The following VCPIP1 variants were observed in gnomAD, a reference collection of about 807,000 sequenced individuals.
VCPIP1 encodes the protein deubiquitinating protein VCPIP1.
In VCPIP1, 8 loss-of-function variants were observed where a neutral mutation model predicts 85.0. The observed-to-expected ratio is 0.09, with a 90% CI of 0.06 to 0.17. The LOEUF is 0.17. Ranked by LOEUF, VCPIP1 falls within the 10% of genes least tolerant of loss-of-function variation. VCPIP1 has a pLI of 1.00. For missense variants in VCPIP1, 1,070 were observed against 1,486.3 expected, an observed-to-expected ratio of 0.72 and a Z score of 4.61; for synonymous variants, 543 against 544.5, an observed-to-expected ratio of 1.00 and a Z score of 0.04.
At chr8:66,652,568 G>A (rs547463885) in intron 1 of VCPIP1, among the ~76,000 whole-genome samples, 33 of 151,624 alleles carry the variant, frequency 2.2e-4, no homozygotes, top group East Asian at 7.7e-4. Context: ...AGCTGAGATC[G>A]TGCCATTGCA....
intron 1 of VCPIP1, among the ~76,000 whole-genome samples, chr8:66,657,058 A>G (rs1341775451): frequency 6.6e-6 from 1 of 151,572 alleles, no homozygotes; most frequent in Non-Finnish European, 1.5e-5. Context: ...GGTGTGCGCC[A>G]CCACTCCCGG....
chr8:66,645,791 C>T (rs1049960620), intron 2 of VCPIP1, among the ~76,000 whole-genome samples: 3 of 147,442 alleles, frequency 2.0e-5, no homozygotes, highest in Non-Finnish European at 3.0e-5. Flanking sequence ...ATTAGCAGGG[C>T]GTGGTGGTGC....
Position 66,667,000 on chromosome 8 carries a change from C to T in VCPIP1, c.-42G>A, listed in dbSNP as rs1811224572. On this transcript the variant is annotated 5_prime_UTR_variant, in exon 1 of 3. Transcript: ENST00000310421. This position sits in a 1 kb window ranked among gnomAD's most constrained non-coding sequence, Gnocchi z 6.3. ...GTCTCGCTCCGCGTCCCAGGCGACC[C>T]TCAAAAGCTCATAGCCCAGACCCCC... The T allele has an allele frequency of 6.8e-7, 1 of 1,475,518 alleles. No individual in the cohort carries two copies. The highest frequency in any genetic ancestry group is 2.4e-5 in the East Asian group (1 of 41,326). 91.4% of individuals were successfully genotyped at this position (1,475,518 alleles called of 1,614,324 possible). A position where few individuals can be genotyped will look rare whatever the true frequency, so the allele number is the denominator to read the frequency against.
At chr8:66,649,412 T>C (rs1388385829) in intron 2 of VCPIP1, among the ~76,000 whole-genome samples, 1 of 151,982 alleles carries the variant, frequency 6.6e-6, no homozygotes, top group Non-Finnish European at 1.5e-5. Flanking sequence ...CTTGGGAGGC[T>C]GAGCTGGGAG....
intron 2 of VCPIP1, among the ~76,000 whole-genome samples, chr8:66,651,203 A>G (rs1811050718): frequency 6.6e-6 from 1 of 151,442 alleles, no homozygotes. Context: ...AAAAAAAAAA[A>G]AGAATCATAC....
At chr8:66,635,913 C>CA (rs1187108604) in intron 2 of VCPIP1, among the ~76,000 whole-genome samples, 5,659 of 75,596 alleles carry the variant, frequency 0.075, 199 homozygotes, top group African/African-American at 0.12. Flanking sequence ...AACTCTATCT[C>CA]AAAAAAAAAA....
intron 2 of VCPIP1, among the ~76,000 whole-genome samples, chr8:66,649,610 T>C (rs1044892341): frequency 2.0e-5 from 3 of 152,150 alleles, no homozygotes; most frequent in African/African-American, 7.2e-5. Flanking sequence ...GGTCACACTA[T>C]AGGATTCCAT....
chr8:66,664,893 G>T lies in VCPIP1; in HGVS notation c.2066C>A (p.Pro689Gln). The part of the protein sequence containing the change: ...VQGQESESQL[P>Q]TKIILTGQKT... ...CTGTCCAGTAAGAATAATTTTAGTT[G>T]GGAGCTGAGACTCTGATTCTTGTCC... The change falls in exon 1 of 3, where the codon CCA (proline) becomes CAA (glutamine). Residue 689 changes from proline (P) to glutamine (Q), a missense_variant. Around this residue, in one of 8 missense-constraint regions of VCPIP1, gnomAD observed 278 missense variants for 298.5 expected, o/e 0.93. Transcript: ENST00000310421. The T allele has an allele frequency of 6.2e-7, 1 of 1,614,144 alleles. No individual in the cohort carries two copies. Among genetic ancestry groups the T allele is most frequent in the Non-Finnish European group, 8.5e-7 (1 of 1,180,036 alleles).
intron 1 of VCPIP1, among the ~76,000 whole-genome samples, chr8:66,661,613 G>A (rs1321226011): frequency 6.6e-6 from 1 of 151,636 alleles, no homozygotes. Flanking sequence ...GCACATGCCT[G>A]TAATCCCAGC....
rs1431708943 is a variant in VCPIP1 at position 66,665,724 on chromosome 8, C to G, written c.1235G>C (p.Arg412Thr). 1 of 1,613,998 alleles carries G rather than the reference C, an allele frequency of 6.2e-7. No homozygotes were observed. The highest frequency in any genetic ancestry group is 8.5e-7 in the Non-Finnish European group (1 of 1,180,038). ...DRSLQDKYLLRLVAAMEEVFM... is the reference protein window; with the variant it reads ...DRSLQDKYLLTLVAAMEEVFM... ...GACTTCTTCCATAGCAGCAACAAGC[C>G]TAAGTAAGTATTTATCTTGCAAACT... is the stretch of plus-strand genomic sequence containing the variant. The change falls in exon 1 of 3, where the codon AGG becomes ACG. Residue 412 changes from arginine to threonine, a missense_variant. This residue lies in a region of VCPIP1 where 83 missense variants were observed against 134.6 expected (regional missense o/e 0.62). Transcript: ENST00000310421. The surrounding 1 kb of genome is among the most constrained non-coding windows in gnomAD (Gnocchi z 4.3).
At position 66,666,281 on chromosome 8, in the gene VCPIP1, C is replaced by G. The variant is rs1310775230; in HGVS notation, c.678G>C (p.Arg226=). 2.5e-6 allele frequency: 4 copies of G among 1,614,094 alleles called. No individual in the cohort carries two copies. The highest frequency in any genetic ancestry group is 2.5e-6 in the Non-Finnish European group (3 of 1,180,014). ...AGAAGAGCTCTCGGCCTACTAGAGC[C>G]CGAGACACAGCATGCACCAAGCAGT... ...DGHCLVHAVS[R]ALVGRELFWH... The change falls in exon 1 of 3, where the codon CGG becomes CGC. Residue 226 remains arginine, a synonymous_variant. Coordinates refer to ENST00000310421, the MANE Select transcript of VCPIP1 (RefSeq NM_025054.5). The surrounding 1 kb of genome is among the most constrained non-coding windows in gnomAD (Gnocchi z 6.3).
At chr8:66,643,571 G>T (rs1257586813) in intron 2 of VCPIP1, among the ~76,000 whole-genome samples, 2 of 151,150 alleles carry the variant, frequency 1.3e-5, no homozygotes, top group African/African-American at 4.9e-5. Context: ...GCATAGTGAC[G>T]CACACCTCTA....
At position 66,666,299 on chromosome 8, in the gene VCPIP1, C is replaced by T. The variant is rs763840361; in HGVS notation, c.660G>A (p.Leu220=). Residue 220 remains leucine, a synonymous_variant, in exon 1 of 3, where the codon TTG becomes TTA. Coordinates refer to ENST00000310421, the MANE Select transcript of VCPIP1 (RefSeq NM_025054.5). This position sits in a 1 kb window ranked among gnomAD's most constrained non-coding sequence, Gnocchi z 6.3. ...CTAGAGCCCGAGACACAGCATGCAC[C>T]AAGCAGTGTCCATCCCCGTCCACAT... ...PVHVDGDGHC[L]VHAVSRALVG... 2.5e-6 allele frequency: 4 copies of T among 1,614,112 alleles called. No individual in the cohort carries two copies. The highest frequency in any genetic ancestry group is 2.5e-6 in the Non-Finnish European group (3 of 1,180,034).
Position 66,665,252 on chromosome 8 carries a change from A to T in VCPIP1, c.1707T>A (p.Gly569=). ...GTTTGAATCCACAACCACATTTGCCACCAGTGGACCTAGAATTAGTTCTGT... is the reference window on the plus strand; with the variant it reads ...GTTTGAATCCACAACCACATTTGCCTCCAGTGGACCTAGAATTAGTTCTGT... The part of the protein sequence containing the change: ...DGDRTNSRST[G]GKCGCGFKHF... Residue 569 remains glycine, a synonymous_variant, in exon 1 of 3, where the codon GGT becomes GGA. Coordinates refer to ENST00000310421, the MANE Select transcript of VCPIP1 (RefSeq NM_025054.5). The surrounding 1 kb of genome is among the most constrained non-coding windows in gnomAD (Gnocchi z 4.3). 6.2e-7 allele frequency: 1 copy of T among 1,614,180 alleles called. No homozygotes were observed. The highest frequency in any genetic ancestry group is 8.5e-7 in the Non-Finnish European group (1 of 1,180,036).
intron 2 of VCPIP1, among the ~76,000 whole-genome samples, chr8:66,635,678 A>G (rs973542874): frequency 2.7e-5 from 4 of 150,080 alleles, no homozygotes; most frequent in Non-Finnish European, 5.9e-5. Context: ...TTGGGAGGCT[A>G]AGGCAGGTGG....
chr8:66,651,444 C>T lies in VCPIP1; in HGVS notation c.2797+14G>A. The T allele has an allele frequency of 1.3e-6, 2 of 1,580,092 alleles. No individual in the cohort carries two copies. Among genetic ancestry groups the T allele is most frequent in the East Asian group, 2.3e-5 (1 of 44,298 alleles). On this transcript the variant is annotated intron_variant, in intron 2 of 2. Transcript: ENST00000310421. ...TAGAGCTATTATTTAAGAATAAAAT[C>T]AAATTAACTATACCCATGGTTTTCT...
chr8:66,639,321 C>CTTTTTTTTTTTTT lies in VCPIP1; in HGVS notation c.2798-3962_2798-3950dup, dbSNP rs57563619. On this transcript the variant is annotated intron_variant, in intron 2 of 2. Transcript: ENST00000310421. ...ATATTTTAAGCCAATTAATTTTATT[C>CTTTTTTTTTTTTT]TTTTTTTTTTTTTTTTTTTTTTTTT... Among the ~76,000 whole-genome samples the CTTTTTTTTTTTTT allele has an allele frequency of 1.0e-4, 7 of 67,814 alleles. 1 individual carries two copies. Among genetic ancestry groups the CTTTTTTTTTTTTT allele is most frequent in the Non-Finnish European group, 1.7e-4 (7 of 41,398 alleles). The allele number at this position is 67,814 out of a possible 152,430, so 44.5% of individuals were successfully genotyped here. A position where few individuals can be genotyped will look rare whatever the true frequency, so the allele number is the denominator to read the frequency against.
At chr8:66,646,357 G>A (rs2130160808) in intron 2 of VCPIP1, among the ~76,000 whole-genome samples, 1 of 152,170 alleles carries the variant, frequency 6.6e-6, no homozygotes, top group East Asian at 1.9e-4. Flanking sequence ...ACAGGCCACT[G>A]TGCCTGGCCC....
intron 2 of VCPIP1, among the ~76,000 whole-genome samples, chr8:66,642,216 G>A (rs890698822): frequency 6.6e-6 from 1 of 152,244 alleles, no homozygotes; most frequent in South Asian, 2.1e-4. Context: ...CTTTTCACGT[G>A]TGATTGGCCA....
Sources: gnomAD v4.1 joint callset for allele counts (sites outside exome capture counted in the v4.1 genomes callset) on GRCh38, gnomAD v4.1.1 for gene constraint, gnomAD v4.1.1 regional missense constraint, Gnocchi (gnomAD v3.1) non-coding constraint, MANE v1.5 for transcripts, NCBI Gene and HGNC (gene_info 2026-07-23, HGNC 2026-07-21) for gene names.